The following PXDC1 variants were observed in gnomAD, a reference collection of about 807,000 sequenced individuals.
PXDC1 encodes PX domain containing 1.
In PXDC1, 13 loss-of-function variants were observed where a neutral mutation model predicts 24.4. The observed-to-expected ratio is 0.53, with a 90% CI of 0.35 to 0.85. The LOEUF (loss-of-function observed/expected upper bound fraction) is 0.85. Ranked by LOEUF, PXDC1 falls within the 40% of genes least tolerant of loss-of-function variation. PXDC1 has a pLI of 0.01. For synonymous variants in PXDC1, 162 were observed against 124.9 expected (o/e 1.30, Z -1.98); for missense variants, 344 against 309.3 (o/e 1.11, Z -0.84).
intron 1 of PXDC1, chr6:3,738,695 C>T (rs529456000): frequency 1.6e-5 from 16 of 1,027,540 alleles, no homozygotes; most frequent in South Asian, 8.5e-5. Context: ...AAAGTGGACA[C>T]GACTCATGCC....
rs1760112156 is a variant in PXDC1, at chr6:3,728,231, C to G, written c.467-569G>C. On this transcript the variant is annotated intron_variant, in intron 3 of 4. Transcript: ENST00000380283. The surrounding 1 kb of genome is among the most constrained non-coding windows in gnomAD (Gnocchi z 4.0). ...GGTGATTTCTGAGATTTTGGTGGAT[C>G]CATCACCCAAGCAGGGTACACTATA... is the stretch of plus-strand genomic sequence containing the variant. Among the ~76,000 whole-genome samples, 1 of 152,160 alleles carries G rather than the reference C, an allele frequency of 6.6e-6. No individual in the cohort carries two copies. Among genetic ancestry groups the G allele is most frequent in the Non-Finnish European group, 1.5e-5 (1 of 68,028 alleles).
At chr6:3,748,832 TA>T in intron 1 of PXDC1, among the ~76,000 whole-genome samples, 1 of 152,236 alleles carries the variant, frequency 6.6e-6, no homozygotes, top group East Asian at 1.9e-4. Flanking sequence ...TCAATCCATG[TA>T]AACTGGGGAA....
chr6:3,736,599 G>T (rs1271491268), intron 3 of PXDC1, among the ~76,000 whole-genome samples: 1 of 152,192 alleles, frequency 6.6e-6, no homozygotes, highest in Non-Finnish European at 1.5e-5. Flanking sequence ...ACTTGGACTG[G>T]CCAAGAGGCC....
At chr6:3,726,310 G>A (rs1485712110) in intron 4 of PXDC1, among the ~76,000 whole-genome samples, 1 of 152,238 alleles carries the variant, frequency 6.6e-6, no homozygotes, top group Non-Finnish European at 1.5e-5. Flanking sequence ...CCAGCCTGTT[G>A]GCATGGGGGA....
intron 1 of PXDC1, among the ~76,000 whole-genome samples, chr6:3,742,460 C>G (rs943988181): frequency 2.0e-5 from 3 of 152,178 alleles, no homozygotes; most frequent in Non-Finnish European, 4.4e-5. Flanking sequence ...CCTGAGATCG[C>G]ACGGATGAAT....
At position 3,751,601 on chromosome 6, in the gene PXDC1, G is replaced by A; in HGVS notation, c.-70C>T. On this transcript the variant is annotated 5_prime_UTR_variant, in exon 1 of 5. Transcript: ENST00000380283. ...GCCCGCCCGCAGGAGGCGCGCCCCG[G>A]CCGGGGTCGTCCCGGGTCTGTCCGT... The A allele has an allele frequency of 7.0e-7, 1 of 1,423,486 alleles. No individual in the cohort carries two copies. The highest frequency in any genetic ancestry group is 9.1e-7 in the Non-Finnish European group (1 of 1,094,608). The allele number at this position is 1,423,486 out of a possible 1,614,324, so 88.2% of individuals were successfully genotyped here.
chr6:3,732,917 G>A (rs995327406), intron 3 of PXDC1, among the ~76,000 whole-genome samples: 2 of 152,240 alleles, frequency 1.3e-5, no homozygotes, highest in Non-Finnish European at 2.9e-5. Context: ...TCTCGGCCGG[G>A]AATGAATGGA....
intron 1 of PXDC1, chr6:3,739,166 AAG>A (rs752585865): frequency 1.4e-4 from 151 of 1,104,744 alleles, no homozygotes; most frequent in Admixed American, 4.5e-4. Context: ...ATAGGTCTAT[AAG>A]AGAGATAAAA....
chr6:3,729,156 T>TAC (rs1760140659), intron 3 of PXDC1, among the ~76,000 whole-genome samples: 1 of 152,140 alleles, frequency 6.6e-6, no homozygotes, highest in Middle Eastern at 3.2e-3. Context: ...TATTTTTTCT[T>TAC]ACACCTTACC....
intron 4 of PXDC1, 63 bp from the exon 5 acceptor site, chr6:3,723,799 C>A (rs1033767270): frequency 1.5e-6 from 2 of 1,307,066 alleles, no homozygotes; most frequent in Non-Finnish European, 2.2e-6. Context: ...CAAACACCCG[C>A]CGGGACCATG....
intron 1 of PXDC1, among the ~76,000 whole-genome samples, chr6:3,750,346 G>C (rs894117372): frequency 1.3e-5 from 2 of 152,158 alleles, no homozygotes; most frequent in African/African-American, 2.4e-5. Flanking sequence ...CCAATGTTCC[G>C]AGCTACAGGT....
chr6:3,737,175 G>A lies in PXDC1; in HGVS notation c.370C>T (p.Leu124Phe). Residue 124 changes from leucine to phenylalanine, a missense_variant, in exon 3 of 5, where the codon CTC (leucine) becomes TTC (phenylalanine). Transcript: ENST00000380283. The surrounding 1 kb of genome is among the most constrained non-coding windows in gnomAD (Gnocchi z 5.5). ...AGAGGAGATCTTTCGAAGAAGGTGA[G>A]CACAACTTCCGATCTAGAATACTGG... is the stretch of plus-strand genomic sequence containing the variant. ...PCKYSRSEVV[L>F]TFFERSPLDQ... The A allele has an allele frequency of 6.2e-7, 1 of 1,611,002 alleles. No homozygotes were observed. Among genetic ancestry groups the A allele is most frequent in the Non-Finnish European group, 8.5e-7 (1 of 1,177,102 alleles).
intron 1 of PXDC1, chr6:3,738,668 T>C (rs1760384084): frequency 2.0e-5 from 13 of 653,766 alleles, no homozygotes; most frequent in Non-Finnish European, 3.0e-5. Flanking sequence ...AAGTCAGATC[T>C]CTGCCTGGAC....
In PXDC1 at chr6:3,737,315, T is replaced by A. The variant is rs773643416; in HGVS notation, c.349-119A>T. The A allele has an allele frequency of 1.4e-6, 1 of 729,632 alleles. No homozygotes were observed. Among genetic ancestry groups the A allele is most frequent in the Non-Finnish European group, 2.4e-6 (1 of 420,032 alleles). The allele number at this position is 729,632 out of a possible 1,614,324, so 45.2% of individuals were successfully genotyped here. A position where few individuals can be genotyped will look rare whatever the true frequency, so the allele number is the denominator to read the frequency against. On this transcript the variant is annotated intron_variant, in intron 2 of 4. Coordinates refer to ENST00000380283, the MANE Select transcript of PXDC1 (RefSeq NM_183373.4). The surrounding 1 kb of genome is among the most constrained non-coding windows in gnomAD (Gnocchi z 5.5). The stretch of plus-strand genomic sequence containing the variant: ...CAGCCTGTGTGATGCAAACGCCCCA[T>A]GAATGTCCAGATGCTCCCATGGCTG...
chr6:3,723,390 G>A lies in PXDC1; in HGVS notation c.*229C>T. The stretch of plus-strand genomic sequence containing the variant: ...AAGACCCTCAGAACACAGGCCCTGT[G>A]GCCTCCGGCTGTGACCTCAGCTTGC... On this transcript the variant is annotated 3_prime_UTR_variant, in exon 5 of 5. Transcript: ENST00000380283. The A allele has an allele frequency of 1.7e-6, 1 of 573,596 alleles. No individual in the cohort carries two copies. The highest frequency in any genetic ancestry group is 3.1e-6 in the Non-Finnish European group (1 of 321,176). The allele number at this position is 573,596 out of a possible 1,614,324, so 35.5% of individuals were successfully genotyped here. A position where few individuals can be genotyped will look rare whatever the true frequency, so the allele number is the denominator to read the frequency against.
At chr6:3,748,030 T>A (rs770720427) in intron 1 of PXDC1, among the ~76,000 whole-genome samples, 1 of 152,184 alleles carries the variant, frequency 6.6e-6, no homozygotes, top group African/African-American at 2.4e-5. Context: ...CCTGAAACTA[T>A]AGAAATAACA....
intron 1 of PXDC1, among the ~76,000 whole-genome samples, chr6:3,743,463 C>T (rs193173303): frequency 4.2e-4 from 64 of 152,148 alleles, no homozygotes; most frequent in African/African-American, 1.5e-3. Context: ...GGAACGCAGC[C>T]TCATCTTGTA....
intron 1 of PXDC1, among the ~76,000 whole-genome samples, chr6:3,750,233 G>C (rs1760671236): frequency 6.6e-6 from 1 of 152,250 alleles, no homozygotes; most frequent in African/African-American, 2.4e-5. Flanking sequence ...AGGCTGGGGA[G>C]ACTTGGACGG....
intron 3 of PXDC1, among the ~76,000 whole-genome samples, chr6:3,735,456 G>C (rs1458119370): frequency 6.6e-6 from 1 of 152,256 alleles, no homozygotes; most frequent in African/African-American, 2.4e-5. Context: ...GCTGTCATTT[G>C]TGGCAACATG....
Sources: gnomAD v4.1 joint callset for allele counts (sites outside exome capture counted in the v4.1 genomes callset) on GRCh38, gnomAD v4.1.1 for gene constraint, Gnocchi (gnomAD v3.1) non-coding constraint, MANE v1.5 for transcripts, NCBI Gene and HGNC (gene_info 2026-07-23, HGNC 2026-07-21) for gene names.